Variants in TMEM17 observed in about 807,000 individuals in gnomAD.
The protein encoded by TMEM17 is transmembrane protein 17.
A neutral mutation model predicts 19.1 loss-of-function variants in TMEM17; 15 were observed. The ratio of observed to expected loss-of-function variants is 0.78; its 90% CI spans 0.52 to 1.21. The LOEUF (loss-of-function observed/expected upper bound fraction) is 1.21, where lower values mean the gene tolerates loss of function less well. Ranked by LOEUF, TMEM17 falls within the 50% of genes most tolerant of loss-of-function variation. TMEM17 has a pLI of 0.00. For synonymous variants in TMEM17, 103 were observed against 86.9 expected (o/e 1.19, Z -1.03); for missense variants, 245 against 242.3 (o/e 1.01, Z -0.07).
the TMEM17 span, among the ~76,000 whole-genome samples, chr2:62,475,306 G>C: frequency 3.7e-4 from 56 of 152,238 alleles, no homozygotes; most frequent in African/African-American, 1.3e-3. Flanking sequence ...TGTCTGTCCT[G>C]TCTTGGGGCA....
the TMEM17 span, among the ~76,000 whole-genome samples, chr2:62,484,322 C>T: frequency 6.6e-6 from 1 of 152,120 alleles, no homozygotes; most frequent in African/African-American, 2.4e-5. Flanking sequence ...TCATTTTTAG[C>T]ATGGGCCCCT....
chr2:62,462,236 A>G, the TMEM17 span, among the ~76,000 whole-genome samples: 2 of 152,166 alleles, frequency 1.3e-5, no homozygotes, highest in African/African-American at 4.8e-5. Context: ...TTGCCGCCAT[A>G]GGGGTCTCAG....
chr2:62,498,509 G>A (rs1266811703), downstream of TMEM17, among the ~76,000 whole-genome samples: 3 of 150,912 alleles, frequency 2.0e-5, no homozygotes, highest in Non-Finnish European at 4.4e-5. Flanking sequence ...GAGGTCAGGA[G>A]ATCGAGACCA....
At chr2:62,502,390 T>A in intron 3 of TMEM17, 47 bp downstream of exon 3, 1 of 1,339,078 alleles carries the variant, frequency 7.5e-7, no homozygotes. Flanking sequence ...TTATGAAAAC[T>A]GATTTCATTT....
the TMEM17 span, among the ~76,000 whole-genome samples, chr2:62,474,477 A>G: frequency 6.6e-6 from 1 of 152,226 alleles, no homozygotes; most frequent in South Asian, 2.1e-4. Flanking sequence ...TCAGGCCATG[A>G]AAGCACGGTA....
At chr2:62,471,747 G>T in the TMEM17 span, among the ~76,000 whole-genome samples, 1 of 152,250 alleles carries the variant, frequency 6.6e-6, no homozygotes, top group Non-Finnish European at 1.5e-5. Context: ...AGGGGGCAAG[G>T]CTGAGGCTGG....
the TMEM17 span, among the ~76,000 whole-genome samples, chr2:62,474,136 G>T: frequency 6.6e-6 from 1 of 152,144 alleles, no homozygotes; most frequent in African/African-American, 2.4e-5. Flanking sequence ...GAGCTGCTGC[G>T]TTCTCCACAA....
the TMEM17 span, among the ~76,000 whole-genome samples, chr2:62,471,970 T>C: frequency 6.6e-6 from 1 of 152,200 alleles, no homozygotes; most frequent in African/African-American, 2.4e-5. Flanking sequence ...AGAACTCAGA[T>C]GCGGAGTCAA....
the TMEM17 span, among the ~76,000 whole-genome samples, chr2:62,472,426 C>T: frequency 6.6e-6 from 1 of 152,064 alleles, no homozygotes; most frequent in Non-Finnish European, 1.5e-5. Context: ...GAAGTAAAAT[C>T]GAGGGAGAGA....
At chr2:62,498,205 T>A (rs1679818566), downstream of TMEM17, among the ~76,000 whole-genome samples, 1 of 148,072 alleles carries the variant, frequency 6.8e-6, no homozygotes, top group Non-Finnish European at 1.5e-5. Flanking sequence ...GCCAACATGG[T>A]GAAACCCTGC....
At chr2:62,486,099 T>C in the TMEM17 span, among the ~76,000 whole-genome samples, 1 of 152,176 alleles carries the variant, frequency 6.6e-6, no homozygotes, top group African/African-American at 2.4e-5. Context: ...AAAGAAATCG[T>C]TCCAGGAATG....
chr2:62,487,225 AC>A, the TMEM17 span, among the ~76,000 whole-genome samples: 3 of 152,136 alleles, frequency 2.0e-5, no homozygotes, highest in African/African-American at 4.8e-5. Context: ...CCATTTTCTT[AC>A]CTTTTGCCAC....
At chr2:62,470,421 C>A in the TMEM17 span, among the ~76,000 whole-genome samples, 1 of 152,224 alleles carries the variant, frequency 6.6e-6, no homozygotes, top group Non-Finnish European at 1.5e-5. Flanking sequence ...AATTCCCCTG[C>A]CTGGTGTGGC....
chr2:62,462,435 T>G, the TMEM17 span, among the ~76,000 whole-genome samples: 1 of 152,172 alleles, frequency 6.6e-6, no homozygotes, highest in Admixed American at 6.5e-5. Context: ...TGGCTTGGTC[T>G]ACCCCACCCA....
chr2:62,498,876 T>C (rs536985114), downstream of TMEM17, among the ~76,000 whole-genome samples: 88 of 152,238 alleles, frequency 5.8e-4, no homozygotes, highest in African/African-American at 2.1e-3. Flanking sequence ...TAAGGATGGA[T>C]AAATATATTC....
chr2:62,472,464 G>T, the TMEM17 span, among the ~76,000 whole-genome samples: 2 of 152,148 alleles, frequency 1.3e-5, no homozygotes, highest in Admixed American at 1.3e-4. Context: ...GCTCTGGCTG[G>T]CGTCTCCCCT....
the TMEM17 span, among the ~76,000 whole-genome samples, chr2:62,454,987 G>A: frequency 2.0e-5 from 3 of 152,198 alleles, no homozygotes; most frequent in Non-Finnish European, 2.9e-5. Flanking sequence ...TTACAGGCGT[G>A]AGCCACTGTG....
the TMEM17 span, among the ~76,000 whole-genome samples, chr2:62,467,014 T>C: frequency 6.6e-6 from 1 of 152,182 alleles, no homozygotes; most frequent in African/African-American, 2.4e-5. Context: ...GGAGTCTCGC[T>C]CTGTTGCCCA....
At chr2:62,472,972 T>C in the TMEM17 span, among the ~76,000 whole-genome samples, 1 of 151,798 alleles carries the variant, frequency 6.6e-6, no homozygotes, top group African/African-American at 2.4e-5. Flanking sequence ...AACTCAGGAG[T>C]GTCTGGGCTG....
Sources: allele counts gnomAD v4.1 joint callset (sites outside exome capture counted in the v4.1 genomes callset), GRCh38; gene constraint gnomAD v4.1.1; transcripts MANE v1.5; gene names NCBI Gene and HGNC (gene_info 2026-07-23, HGNC 2026-07-21).